Variants in URI1 observed in about 807,000 individuals in gnomAD.
URI1 encodes the protein unconventional prefoldin RPB5 interactor 1.
In URI1, 39 loss-of-function variants were observed where a neutral mutation model predicts 60.2. That is an observed-to-expected ratio of 0.65 (90% CI 0.50 to 0.85). The LOEUF (loss-of-function observed/expected upper bound fraction) is 0.85, where lower values mean the gene tolerates loss of function less well. Among genes scored for constraint, URI1 ranks in the 40% least tolerant of loss-of-function variants. The pLI, the probability that URI1 is intolerant of heterozygous loss-of-function variation, is 0.00. For synonymous variants in URI1, 251 were observed against 236.8 expected, an observed-to-expected ratio of 1.06 and a Z score of -0.55; for missense variants, 691 against 665.9, an observed-to-expected ratio of 1.04 and a Z score of -0.42.
chr19:29,944,894 C>T (rs1478189663), intron 1 of URI1, among the ~76,000 whole-genome samples: 1 of 152,182 alleles, frequency 6.6e-6, no homozygotes, highest in Non-Finnish European at 1.5e-5. Flanking sequence ...CCCAGTAAAT[C>T]GGCAGTGAAA....
chr19:30,007,725 T>G, intron 7 of URI1, 87 bp downstream of exon 7: 1 of 1,210,944 alleles, frequency 8.3e-7, no homozygotes, highest in Non-Finnish European at 1.1e-6. Context: ...TAAAATAATA[T>G]GTGTTCATTG....
At chr19:29,940,908 A>T (rs987249605), upstream of URI1, among the ~76,000 whole-genome samples, 2 of 152,096 alleles carry the variant, frequency 1.3e-5, no homozygotes, top group Non-Finnish European at 2.9e-5. Flanking sequence ...GTGGCTGGGG[A>T]TGGAGAGAGG....
chr19:29,982,791 T>G (rs1459605599), intron 2 of URI1, among the ~76,000 whole-genome samples: 1 of 152,214 alleles, frequency 6.6e-6, no homozygotes, highest in Non-Finnish European at 1.5e-5. Flanking sequence ...GGAATTGATG[T>G]TTTTTGATGC....
chr19:30,004,008 A>G (rs563665907), intron 4 of URI1, among the ~76,000 whole-genome samples: 1 of 152,128 alleles, frequency 6.6e-6, no homozygotes, highest in South Asian at 2.1e-4. Context: ...CCATGCTCGG[A>G]TGAAATCTGT....
At chr19:30,003,064 A>C (rs1473687398) in intron 4 of URI1, among the ~76,000 whole-genome samples, 1 of 152,034 alleles carries the variant, frequency 6.6e-6, no homozygotes, top group Non-Finnish European at 1.5e-5. Flanking sequence ...CATGGTTTCT[A>C]ATGTTAAATC....
At chr19:29,962,877 A>G (rs904021010) in intron 1 of URI1, among the ~76,000 whole-genome samples, 33 of 152,042 alleles carry the variant, frequency 2.2e-4, no homozygotes, top group Admixed American at 1.8e-3. Context: ...TTTGCTGTGT[A>G]TGTCACTATA....
At chr19:29,977,738 G>A (rs1467676898) in intron 2 of URI1, among the ~76,000 whole-genome samples, 1 of 151,678 alleles carries the variant, frequency 6.6e-6, no homozygotes, top group Non-Finnish European at 1.5e-5. Context: ...AAAAAATGGT[G>A]TGAGTTAGTA....
At chr19:29,973,643 G>A (rs1350859153) in intron 2 of URI1, among the ~76,000 whole-genome samples, 3 of 152,026 alleles carry the variant, frequency 2.0e-5, no homozygotes, top group Non-Finnish European at 4.4e-5. Context: ...AGGACAGGGA[G>A]TAAAAATATT....
chr19:30,009,354 G>T lies in URI1; in HGVS notation c.1035+1G>T, dbSNP rs1234652186. The T allele has an allele frequency of 6.2e-7, 1 of 1,605,066 alleles. No individual in the cohort carries two copies. The highest frequency in any genetic ancestry group is 8.5e-7 in the Non-Finnish European group (1 of 1,173,818). On this transcript the variant is annotated splice_donor_variant, in intron 8 of 10. Coordinates refer to ENST00000392271, the MANE Select transcript of URI1 (RefSeq NM_003796.3). LOFTEE classifies it high-confidence loss of function. ...TTCACATACTGTTGAGCCTAAGAGGGTTTGTATACTTTTAACTTTACTAAT... is the reference window on the plus strand; with the variant it reads ...TTCACATACTGTTGAGCCTAAGAGGTTTTGTATACTTTTAACTTTACTAAT...
rs545187987 is a variant in URI1, at chr19:29,978,158, A to G, written c.152+6931A>G. Among the ~76,000 whole-genome samples the G allele has an allele frequency of 2.0e-5, 3 of 152,316 alleles. No individual in the cohort carries two copies. In the South Asian group the frequency reaches 6.2e-4, roughly 32 times the overall value. ...CTTGTAGGAGTCCTCAAGCTTTTAT[A>G]TCATGTTTTTGGAAGCAACCAGCTA... On this transcript the variant is annotated intron_variant, in intron 2 of 10. Transcript: ENST00000392271.
chr19:30,004,919 T>C (rs977239840), intron 4 of URI1, among the ~76,000 whole-genome samples: 2 of 152,050 alleles, frequency 1.3e-5, no homozygotes, highest in African/African-American at 4.8e-5. Flanking sequence ...GTATTTTCAG[T>C]CATCTAATTT....
chr19:29,984,096 C>T (rs766643296), intron 2 of URI1, among the ~76,000 whole-genome samples: 13 of 152,156 alleles, frequency 8.5e-5, no homozygotes, highest in Admixed American at 2.0e-4. Flanking sequence ...ATTTCAACTT[C>T]ACAGCCAGTA....
At chr19:29,968,627 A>G (rs1279067899) in intron 1 of URI1, among the ~76,000 whole-genome samples, 1 of 117,676 alleles carries the variant, frequency 8.5e-6, no homozygotes, top group African/African-American at 3.3e-5. Flanking sequence ...GCTGGAGTGC[A>G]GTGGCGCGAT....
In URI1 at chr19:29,942,386, C is replaced by T. The variant is rs991714203; in HGVS notation, c.-162C>T. On this transcript the variant is annotated 5_prime_UTR_variant, in exon 1 of 11. Transcript: ENST00000392271. ...ACGTGTGAGATGCGGCAGCGGGCGGCGCGGACGCGAACAGCAGCGGCGGCG... is the reference window on the plus strand; with the variant it reads ...ACGTGTGAGATGCGGCAGCGGGCGGTGCGGACGCGAACAGCAGCGGCGGCG... 42 of 983,564 alleles carry T rather than the reference C, an allele frequency of 4.3e-5. No homozygotes were observed. Among genetic ancestry groups the T allele is most frequent in the African/African-American group, 1.2e-4 (7 of 56,900 alleles). 60.9% of individuals were successfully genotyped at this position (983,564 alleles called of 1,614,324 possible). A position where few individuals can be genotyped will look rare whatever the true frequency, so the allele number is the denominator to read the frequency against.
intron 4 of URI1, among the ~76,000 whole-genome samples, chr19:29,996,930 T>A (rs941965673): frequency 6.6e-6 from 1 of 152,216 alleles, no homozygotes; most frequent in Non-Finnish European, 1.5e-5. Flanking sequence ...GTTGAACCCA[T>A]CCTTGCATTC....
intron 1 of URI1, among the ~76,000 whole-genome samples, chr19:29,956,214 C>T (rs1425642360): frequency 1.3e-5 from 2 of 149,898 alleles, no homozygotes; most frequent in Admixed American, 6.6e-5. Context: ...CTCCTGACCT[C>T]AGGTGATCCA....
intron 1 of URI1, chr19:29,926,045 T>TTCTAGGAA (rs1271004531): frequency 3.3e-5 from 5 of 152,098 alleles, no homozygotes; most frequent in Non-Finnish European, 7.4e-5. Context: ...GCTCCTGGGG[T>TTCTAGGAA]TCTAGGAATC....
intron 1 of URI1, among the ~76,000 whole-genome samples, chr19:29,963,172 T>A (rs1448564863): frequency 6.6e-6 from 1 of 152,216 alleles, no homozygotes; most frequent in Non-Finnish European, 1.5e-5. Context: ...ATATCAGTTT[T>A]AGAAAATCCA....
At chr19:29,948,317 G>C in intron 1 of URI1, among the ~76,000 whole-genome samples, 1 of 152,088 alleles carries the variant, frequency 6.6e-6, no homozygotes, top group Non-Finnish European at 1.5e-5. Context: ...GGGCATCAGG[G>C]GTCAACTTTT....
Sources: gnomAD v4.1 joint callset for allele counts (sites outside exome capture counted in the v4.1 genomes callset) on GRCh38, gnomAD v4.1.1 for gene constraint, MANE v1.5 for transcripts, NCBI Gene and HGNC (gene_info 2026-07-23, HGNC 2026-07-21) for gene names.